Variants in CDH3 observed in about 807,000 individuals in gnomAD.
CDH3 encodes cadherin-3.
CDH3 carries 54 observed loss-of-function variants against 82.0 expected under a neutral mutation model. That is an observed-to-expected ratio of 0.66 (90% CI 0.53 to 0.83). The LOEUF (loss-of-function observed/expected upper bound fraction) is 0.83, where lower values mean the gene tolerates loss of function less well. Ranked by LOEUF, CDH3 falls within the 40% of genes least tolerant of loss-of-function variation. The probability of loss-of-function intolerance (pLI) is 0.00; values close to 1 mark genes in which losing one functional copy is unlikely to be tolerated. For synonymous variants in CDH3, 446 were observed against 437.9 expected (o/e 1.02, Z -0.23); for missense variants, 1,054 against 1,084.6 (o/e 0.97, Z 0.40).
chr16:68,691,505 A>C (rs186500955), intron 12 of CDH3, among the ~76,000 whole-genome samples: 2 of 152,354 alleles, frequency 1.3e-5, no homozygotes, highest in East Asian at 3.9e-4. Flanking sequence ...AAGTAAAATG[A>C]CAAATTAATT....
At chr16:68,715,919 C>A (rs1372164537) in intron 1 of CDH3, among the ~76,000 whole-genome samples, 2 of 152,130 alleles carry the variant, frequency 1.3e-5, no homozygotes, top group African/African-American at 4.8e-5. Flanking sequence ...AAAGACCTGC[C>A]CATACAATTT....
In CDH3 at chr16:68,707,337, G is replaced by A. The variant is rs1196334278; in HGVS notation, c.99+11414G>A. ...TGTCCTCCTTCACGCCTGGGCTGGA[G>A]GCTGAGTTCAGGGCAAGGCCCAGTC... On this transcript the variant is annotated intron_variant, in intron 1 of 2. Transcript: ENST00000569080. This position sits in a 1 kb window ranked among gnomAD's most constrained non-coding sequence, Gnocchi z 4.5. Among the ~76,000 whole-genome samples the A allele has an allele frequency of 6.6e-6, 1 of 152,180 alleles. No individual in the cohort carries two copies. The highest frequency in any genetic ancestry group is 1.5e-5 in the Non-Finnish European group (1 of 68,022).
chr16:68,698,453 A>G lies in CDH3; in HGVS notation c.*53A>G, dbSNP rs982401708. 7.2e-6 allele frequency: 11 copies of G among 1,530,428 alleles called. No individual in the cohort carries two copies. In the Admixed American group the frequency reaches 1.3e-4, roughly 19 times the overall value. The allele number at this position is 1,530,428 out of a possible 1,614,324, so 94.8% of individuals were successfully genotyped here. A position where few individuals can be genotyped will look rare whatever the true frequency, so the allele number is the denominator to read the frequency against. On this transcript the variant is annotated 3_prime_UTR_variant, in exon 16 of 16. Transcript: ENST00000264012. ...AACGTCAGGCCACAGAGCATCTCCA[A>G]GGGGTCTCAGTTCCCCCTTCAGCTG...
chr16:68,650,069 G>A (rs1198721621), intron 2 of CDH3, among the ~76,000 whole-genome samples: 1 of 151,902 alleles, frequency 6.6e-6, no homozygotes, highest in Admixed American at 6.6e-5. Context: ...CACAGTAGGG[G>A]GTAGTTAGCA....
Position 68,684,664 on chromosome 16 carries a change from A to G in CDH3, c.1264A>G (p.Thr422Ala), listed in dbSNP as rs1393020167. 1 of 1,613,918 alleles carries G rather than the reference A, an allele frequency of 6.2e-7. No homozygotes were observed. ...GGCCCCTTTTGTGCTGAAGCTCCCAACCTCCACAGCCACCATAGTGGTCCA... is the reference window on the plus strand; with the variant it reads ...GGCCCCTTTTGTGCTGAAGCTCCCAGCCTCCACAGCCACCATAGTGGTCCA... Reference protein sequence around the residue: ...NEAPFVLKLPTSTATIVVHVE... With the variant: ...NEAPFVLKLPASTATIVVHVE... Residue 422 changes from threonine to alanine, a missense_variant, in exon 10 of 16, where the codon ACC becomes GCC. Physicochemically the swap from Thr to Ala is moderately conservative, Grantham distance 58. Coordinates refer to ENST00000264012, the MANE Select transcript of CDH3 (RefSeq NM_001793.6).
chr16:68,709,612 C>A (rs1310918056), intron 1 of CDH3, among the ~76,000 whole-genome samples: 3 of 152,156 alleles, frequency 2.0e-5, no homozygotes, highest in Non-Finnish European at 4.4e-5. Context: ...GCGCCCTCCA[C>A]CACGCCCGGC....
rs747943812 is a variant in CDH3 at position 68,685,307 on chromosome 16, G to C, written c.1527G>C (p.Val509=). The C allele has an allele frequency of 1.2e-6, 2 of 1,614,154 alleles. No homozygotes were observed. Among genetic ancestry groups the C allele is most frequent in the Non-Finnish European group, 1.7e-6 (2 of 1,180,024 alleles). The change falls in exon 11 of 16, where the codon GTG becomes GTC. Residue 509 remains valine, a synonymous_variant. Transcript: ENST00000264012. ...GTLDREDEQF[V]RNNIYEVMVL... ...TCGACCGTGAGGATGAGCAGTTTGT[G>C]AGGAACAACATCTATGAAGTCATGG...
chr16:68,671,521 C>CTTTT (rs34475405), intron 2 of CDH3, among the ~76,000 whole-genome samples: 2 of 122,014 alleles, frequency 1.6e-5, no homozygotes, highest in Non-Finnish European at 3.3e-5. Context: ...TTCATTTTAC[C>CTTTT]TTTTTTTTTT....
At chr16:68,662,382 T>C (rs536629112) in intron 2 of CDH3, among the ~76,000 whole-genome samples, 1 of 152,216 alleles carries the variant, frequency 6.6e-6, no homozygotes, top group South Asian at 2.1e-4. Context: ...CACTTGAGCC[T>C]AGGAGGTCTA....
At position 68,681,029 on chromosome 16, in the gene CDH3, C is replaced by T; in HGVS notation, c.929C>T (p.Thr310Ile). The change falls in exon 8 of 16, where the codon ACC becomes ATC. Residue 310 changes from threonine (T) to isoleucine (I), a missense_variant. Physicochemically the swap from Thr to Ile is moderately conservative, Grantham distance 89. Coordinates refer to ENST00000264012, the MANE Select transcript of CDH3 (RefSeq NM_001793.6). ...ATDMDGDGST[T>I]TAVAVVEILD... ...GACATGGATGGGGACGGCTCCACCACCACGGCAGTGGCAGTAGTGGAGATC... is the reference window on the plus strand; with the variant it reads ...GACATGGATGGGGACGGCTCCACCATCACGGCAGTGGCAGTAGTGGAGATC... The T allele has an allele frequency of 6.2e-7, 1 of 1,614,102 alleles. No homozygotes were observed. Among genetic ancestry groups the T allele is most frequent in the Non-Finnish European group, 8.5e-7 (1 of 1,179,986 alleles).
chr16:68,682,532 C>G lies in CDH3; in HGVS notation c.1182+45C>G, dbSNP rs781600766. 4 of 1,579,420 alleles carry G rather than the reference C, an allele frequency of 2.5e-6. No individual in the cohort carries two copies. Among genetic ancestry groups the G allele is most frequent in the Admixed American group, 3.3e-5 (2 of 59,894 alleles). On this transcript the variant is annotated intron_variant, in intron 9 of 15. Transcript: ENST00000264012. The stretch of plus-strand genomic sequence containing the variant: ...AGACAATGGCTATACCTGGGGCAGT[C>G]AGGTCTGCAGCCTTCAGGATGAGGA...
downstream of CDH3, among the ~76,000 whole-genome samples, chr16:68,703,724 AAC>A (rs1415198065): frequency 3.3e-5 from 5 of 152,090 alleles, no homozygotes; most frequent in African/African-American, 4.8e-5. Context: ...AGGCGGGTGG[AAC>A]ACCTGAGGTC....
intron 6 of CDH3, 30 bp from the exon 7 acceptor site, chr16:68,679,769 G>A: frequency 6.5e-7 from 1 of 1,528,634 alleles, no homozygotes; most frequent in Non-Finnish European, 9.1e-7. Context: ...TTGGAACTGG[G>A]AGGAAAAGAT....
chr16:68,665,839 C>T lies in CDH3; in HGVS notation c.161-10546C>T, dbSNP rs1439288229. Among the ~76,000 whole-genome samples, 4 of 152,232 alleles carry T rather than the reference C, an allele frequency of 2.6e-5. No individual in the cohort carries two copies. The East Asian group carries it at 7.7e-4, about 29-fold the overall frequency. On this transcript the variant is annotated intron_variant, in intron 2 of 15. Coordinates refer to ENST00000264012, the MANE Select transcript of CDH3 (RefSeq NM_001793.6). ...ATGAACACAGCAGAGCTTTCGTCAG[C>T]CAAAACTCCCCTGGAACTGCTTTCT... is the stretch of plus-strand genomic sequence containing the variant.
rs1241954686 is a variant in CDH3 at position 68,678,647 on chromosome 16, C to T, written c.537C>T (p.Ala179=). ...AGCCACTGGACCGGGAGGAGATTGC[C>T]AAGTATGAGGCAAGTAGCCTTTAGT... ...LNKPLDREEI[A]KYELFGHAVS... is the part of the protein sequence containing the mutation. Residue 179 remains alanine (A), a synonymous_variant, in exon 5 of 16, where the codon GCC becomes GCT. Transcript: ENST00000264012. The T allele has an allele frequency of 3.7e-6, 6 of 1,614,212 alleles. No individual in the cohort carries two copies. Among genetic ancestry groups the T allele is most frequent in the Non-Finnish European group, 5.1e-6 (6 of 1,180,040 alleles).
At chr16:68,656,446 C>T (rs1179768088) in intron 2 of CDH3, among the ~76,000 whole-genome samples, 3 of 152,194 alleles carry the variant, frequency 2.0e-5, no homozygotes, top group Admixed American at 6.5e-5. Flanking sequence ...AAACTCACCA[C>T]CACCACCCAG....
Position 68,686,065 on chromosome 16 carries a change from C to T in CDH3, c.1570+715C>T, listed in dbSNP as rs151043230. 3.9e-3 allele frequency among the ~76,000 whole-genome samples: 596 copies of T among 152,342 alleles called. 3 individuals carry two copies. Among genetic ancestry groups the T allele is most frequent in the African/African-American group, 0.014 (566 of 41,578 alleles). Reference sequence around the variant, plus strand: ...GCATGGTGACTCAAGCCTATAATCCCAGCACTGTGGGAGGCTGAGGCAGGT... The same window carrying T: ...GCATGGTGACTCAAGCCTATAATCCTAGCACTGTGGGAGGCTGAGGCAGGT... On this transcript the variant is annotated intron_variant, in intron 11 of 15. Transcript: ENST00000264012.
At chr16:68,715,470 A>G (rs1012945537) in intron 1 of CDH3, among the ~76,000 whole-genome samples, 1 of 151,118 alleles carries the variant, frequency 6.6e-6, no homozygotes, top group Non-Finnish European at 1.5e-5. Flanking sequence ...ACTCCACAGT[A>G]GTATTAATTG....
chr16:68,719,254 G>GT (rs1962132252), intron 1 of CDH3, among the ~76,000 whole-genome samples: 1 of 143,588 alleles, frequency 7.0e-6, no homozygotes, highest in East Asian at 2.1e-4. Context: ...CAAAAAAAAA[G>GT]AAAAAAAAAA....
Sources: allele counts gnomAD v4.1 joint callset (sites outside exome capture counted in the v4.1 genomes callset), GRCh38; gene constraint gnomAD v4.1.1; non-coding constraint Gnocchi (gnomAD v3.1); transcripts MANE v1.5; gene names NCBI Gene and HGNC (gene_info 2026-07-23, HGNC 2026-07-21).